Variants in GRM8 observed in about 807,000 individuals in gnomAD.
GRM8 encodes glutamate metabotropic receptor 8.
GRM8 carries 47 observed loss-of-function variants against 87.2 expected under a neutral mutation model. That is an observed-to-expected ratio of 0.54 (90% CI 0.43 to 0.69). The LOEUF is 0.69. Among genes scored for constraint, GRM8 ranks in the 30% least tolerant of loss-of-function variants. The pLI is 0.00. For synonymous variants in GRM8, 396 were observed against 404.5 expected (o/e 0.98, Z 0.25); for missense variants, 1,019 against 1,139.2 (o/e 0.89, Z 1.52).
chr7:127,196,380 G>T (rs1795277351), intron 2 of GRM8, among the ~76,000 whole-genome samples: 1 of 151,992 alleles, frequency 6.6e-6, no homozygotes, highest in Non-Finnish European at 1.5e-5. Flanking sequence ...TTAGCCAGGT[G>T]TGGTTTGCAT....
intron 8 of GRM8, among the ~76,000 whole-genome samples, chr7:126,592,933 C>T (rs1392101443): frequency 6.6e-6 from 1 of 151,960 alleles, no homozygotes; most frequent in South Asian, 2.1e-4. Flanking sequence ...TATCCAAATT[C>T]AGTAATGTTA....
intron 7 of GRM8, among the ~76,000 whole-genome samples, chr7:126,740,041 C>G (rs1351871258): frequency 6.6e-6 from 1 of 152,030 alleles, no homozygotes; most frequent in South Asian, 2.1e-4. Context: ...ATGCCCCCAA[C>G]GTTAAGTGAC....
chr7:126,878,269 T>C (rs1387080686), intron 6 of GRM8, among the ~76,000 whole-genome samples: 2 of 152,206 alleles, frequency 1.3e-5, no homozygotes, highest in Non-Finnish European at 1.5e-5. Flanking sequence ...GATTTCCATA[T>C]GATTTCCCCA....
chr7:127,127,819 T>C (rs1172029630), intron 2 of GRM8, among the ~76,000 whole-genome samples: 1 of 152,128 alleles, frequency 6.6e-6, no homozygotes, highest in Non-Finnish European at 1.5e-5. Flanking sequence ...AATCAATGCC[T>C]GGTCTCTCCT....
intron 7 of GRM8, among the ~76,000 whole-genome samples, chr7:126,729,336 G>C (rs1456394426): frequency 6.6e-6 from 1 of 152,144 alleles, no homozygotes; most frequent in African/African-American, 2.4e-5. Flanking sequence ...CAGGACAGAA[G>C]AGCCAAGGAG....
chr7:126,801,469 T>C (rs140660178), intron 6 of GRM8, among the ~76,000 whole-genome samples: 311 of 152,356 alleles, frequency 2.0e-3, no homozygotes, highest in African/African-American at 7.4e-3. Context: ...TAATGAATAG[T>C]ATTTTTCTTA....
chr7:127,004,131 TA>T (rs1163142882), intron 3 of GRM8, among the ~76,000 whole-genome samples: 1 of 151,730 alleles, frequency 6.6e-6, no homozygotes, highest in East Asian at 1.9e-4. Flanking sequence ...AGCACTTATT[TA>T]AATAGTGGCT....
chr7:127,063,572 T>C lies in GRM8; in HGVS notation c.727+42924A>G, dbSNP rs568453710. 2.0e-5 allele frequency among the ~76,000 whole-genome samples: 3 copies of C among 152,320 alleles called. No homozygotes were observed. The South Asian group carries it at 6.2e-4, about 32-fold the overall frequency. On this transcript the variant is annotated intron_variant, in intron 3 of 10. Transcript: ENST00000339582. ...ACCTGGGTGACACAGTAAGACTCTG[T>C]CTCAAAAACAAACAAAAAGAAAAAA... is the stretch of plus-strand genomic sequence containing the variant.
At chr7:127,110,232 C>T (rs1203108471) in intron 2 of GRM8, among the ~76,000 whole-genome samples, 1 of 152,136 alleles carries the variant, frequency 6.6e-6, no homozygotes, top group African/African-American at 2.4e-5. Context: ...TTGTGAACTG[C>T]CCTTTCATTA....
In GRM8 at chr7:126,629,530, T is replaced by C. The variant is rs547291027; in HGVS notation, c.1358-20032A>G. 1.4e-4 allele frequency among the ~76,000 whole-genome samples: 22 copies of C among 152,310 alleles called. No homozygotes were observed. The South Asian group carries it at 3.7e-3, about 26-fold the overall frequency. ...CATTTAACAATTAATATTTTCTTAA[T>C]GTTTGCAGAATTACAGTGAGCCAAT... is the stretch of plus-strand genomic sequence containing the variant. On this transcript the variant is annotated intron_variant, in intron 7 of 10. Coordinates refer to ENST00000339582, the MANE Select transcript of GRM8 (RefSeq NM_000845.3).
intron 6 of GRM8, among the ~76,000 whole-genome samples, chr7:126,874,193 CA>C (rs1259467862): frequency 1.3e-5 from 2 of 152,090 alleles, no homozygotes; most frequent in South Asian, 2.1e-4. Context: ...AACATTCCTG[CA>C]GCCTCTAAAT....
At chr7:126,831,550 G>A (rs1795373014) in intron 6 of GRM8, among the ~76,000 whole-genome samples, 2 of 152,204 alleles carry the variant, frequency 1.3e-5, no homozygotes, top group Admixed American at 6.5e-5. Context: ...TAAGCCCATC[G>A]GAAAAGTCCA....
At chr7:126,487,601 C>T (rs1766249815) in intron 9 of GRM8, among the ~76,000 whole-genome samples, 1 of 151,932 alleles carries the variant, frequency 6.6e-6, no homozygotes, top group African/African-American at 2.4e-5. Context: ...CAATTTTGCA[C>T]TTTAAATGGA....
intron 3 of GRM8, among the ~76,000 whole-genome samples, chr7:127,037,335 G>C (rs956817521): frequency 3.9e-5 from 6 of 152,056 alleles, no homozygotes; most frequent in Non-Finnish European, 8.8e-5. Context: ...TCCCCAATTT[G>C]CCTCCCAGGA....
At chr7:127,053,911 C>A (rs1463866399) in intron 3 of GRM8, among the ~76,000 whole-genome samples, 1 of 151,568 alleles carries the variant, frequency 6.6e-6, no homozygotes, top group Non-Finnish European at 1.5e-5. Context: ...ATTTTAAGTT[C>A]ATACTATTTG....
intron 8 of GRM8, among the ~76,000 whole-genome samples, chr7:126,603,469 T>C (rs1043753188): frequency 5.3e-5 from 8 of 151,624 alleles, no homozygotes; most frequent in African/African-American, 1.2e-4. Flanking sequence ...GACGACATGA[T>C]TGTATATCTA....
intron 3 of GRM8, chr7:126,981,658 G>A (rs17865932): frequency 0.059 from 8,913 of 152,102 alleles, 861 homozygotes; most frequent in African/African-American, 0.2. Context: ...TCTCAATACC[G>A]ACACACTGGG....
chr7:126,704,422 T>C (rs568881785), intron 7 of GRM8, among the ~76,000 whole-genome samples: 4 of 152,246 alleles, frequency 2.6e-5, no homozygotes, highest in African/African-American at 9.6e-5. Context: ...TTGTAGAGCA[T>C]GTGTGTTTGA....
intron 3 of GRM8, among the ~76,000 whole-genome samples, chr7:127,083,403 T>C (rs1823084156): frequency 6.6e-6 from 1 of 152,124 alleles, no homozygotes; most frequent in Non-Finnish European, 1.5e-5. Flanking sequence ...ATTTAGGACC[T>C]TGTTATTCAT....
Sources: allele counts gnomAD v4.1 joint callset (sites outside exome capture counted in the v4.1 genomes callset), GRCh38; gene constraint gnomAD v4.1.1; transcripts MANE v1.5; gene names NCBI Gene and HGNC (gene_info 2026-07-23, HGNC 2026-07-21).